Variants in NSD1 observed in about 807,000 individuals in gnomAD.
The protein encoded by NSD1 is histone-lysine N-methyltransferase, H3 lysine-36 specific.
Under a neutral mutation model 242.7 loss-of-function variants are expected in NSD1, and 26 were observed. The observed-to-expected ratio is 0.11, with a 90% CI of 0.08 to 0.15. NSD1 has a LOEUF of 0.15. Ranked by LOEUF, NSD1 falls within the 10% of genes least tolerant of loss-of-function variation. NSD1 has a pLI of 1.00. For synonymous variants in NSD1, 1,106 were observed against 1,178.1 expected, an observed-to-expected ratio of 0.94 and a Z score of 1.25; for missense variants, 2,495 against 3,272.8, an observed-to-expected ratio of 0.76 and a Z score of 5.80.
chr5:177,175,716 A>G (rs1453173429), intron 2 of NSD1, among the ~76,000 whole-genome samples: 1 of 152,192 alleles, frequency 6.6e-6, no homozygotes, highest in African/African-American at 2.4e-5. Flanking sequence ...ATAGTGTCAT[A>G]TCATTTAAGC....
In NSD1 at chr5:177,211,343, G is replaced by A; in HGVS notation, c.2944G>A (p.Gly982Arg). The A allele has an allele frequency of 1.2e-6, 2 of 1,614,134 alleles. No individual in the cohort carries two copies. The highest frequency in any genetic ancestry group is 1.1e-5 in the South Asian group (1 of 91,080). Residue 982 changes from glycine to arginine, a missense_variant, in exon 5 of 23, where the codon GGG (glycine) becomes AGG (arginine). Physicochemically the swap from Gly to Arg is moderately radical, Grantham distance 125. Coordinates refer to ENST00000439151, the MANE Select transcript of NSD1 (RefSeq NM_022455.5). ...TQNSANPSPS[G>R]GDSALSGELS... ...GAACTCCGCCAATCCTAGCCCTAGT[G>A]GGGGTGACTCTGCATTATCTGGCGA...
Position 177,135,933 on chromosome 5 carries a change from C to T in NSD1, c.830C>T (p.Ser277Phe). ...IEEQLNSINL[S>F]FQDDPDSSTS... ...GAGCAATTAAACTCAATAAATTTAT[C>T]TTTTCAGGATGATCCAGATTCCAGT... The change falls in exon 2 of 23, where the codon TCT becomes TTT. Residue 277 changes from serine (S) to phenylalanine (F), a missense_variant. This residue lies in a region of NSD1 where 376 missense variants were observed against 367.4 expected (regional missense o/e 1.02). Coordinates refer to ENST00000439151, the MANE Select transcript of NSD1 (RefSeq NM_022455.5). 4 of 1,613,400 alleles carry T rather than the reference C, an allele frequency of 2.5e-6. No homozygotes were observed. Among genetic ancestry groups the T allele is most frequent in the East Asian group, 2.2e-5 (1 of 44,870 alleles).
intron 5 of NSD1, 122 bp downstream of exon 5, chr5:177,212,317 C>A: frequency 4.3e-6 from 4 of 935,970 alleles, no homozygotes; most frequent in South Asian, 2.9e-5. Flanking sequence ...GAAGAATCAT[C>A]ACTTCAATGA....
intron 4 of NSD1, among the ~76,000 whole-genome samples, chr5:177,207,823 A>C (rs986703551): frequency 1.3e-5 from 2 of 151,830 alleles, no homozygotes; most frequent in African/African-American, 2.4e-5. Context: ...GCACACTGCA[A>C]CTTTCACCTC....
At position 177,211,088 on chromosome 5, in the gene NSD1, A is replaced by C; in HGVS notation, c.2689A>C (p.Asn897His). The part of the protein sequence containing the change: ...PLLFSSASSQ[N>H]HIPIEPDYKF... Reference sequence around the variant, plus strand: ...ACTTTTCTCTTCTGCTTCTAGTCAGAATCACATACCTATTGAACCAGACTA... The same window carrying C: ...ACTTTTCTCTTCTGCTTCTAGTCAGCATCACATACCTATTGAACCAGACTA... Residue 897 changes from asparagine to histidine, a missense_variant, in exon 5 of 23, where the codon AAT becomes CAT. By Grantham distance (68) the Asn-to-His change is moderately conservative. Transcript: ENST00000439151. The C allele has an allele frequency of 6.2e-7, 1 of 1,614,202 alleles. No individual in the cohort carries two copies. The highest frequency in any genetic ancestry group is 8.5e-7 in the Non-Finnish European group (1 of 1,180,022).
chr5:177,274,531 T>TG (rs1351426490), intron 17 of NSD1, among the ~76,000 whole-genome samples: 1 of 152,192 alleles, frequency 6.6e-6, no homozygotes, highest in Non-Finnish European at 1.5e-5. Flanking sequence ...ATAAGTTAGT[T>TG]GCGATGCTCA....
intron 10 of NSD1, 44 bp from the exon 11 acceptor site, chr5:177,248,137 G>A: frequency 1.2e-6 from 2 of 1,610,966 alleles, no homozygotes; most frequent in Non-Finnish European, 1.7e-6. Context: ...AAATGGAAGA[G>A]ACATCAATAA....
chr5:177,230,515 G>A (rs1764972715), intron 5 of NSD1, among the ~76,000 whole-genome samples: 1 of 152,046 alleles, frequency 6.6e-6, no homozygotes, highest in Non-Finnish European at 1.5e-5. Flanking sequence ...CAAAGGTAGA[G>A]TGGAAACAGC....
At position 177,293,828 on chromosome 5, in the gene NSD1, T is replaced by C; in HGVS notation, c.6464-4T>C. Reference sequence around the variant, plus strand: ...AAACTTTTGATTTACTTCTGTGTTTTCAGGGAAATGGGAATGTCCGTGGCA... The same window carrying C: ...AAACTTTTGATTTACTTCTGTGTTTCCAGGGAAATGGGAATGTCCGTGGCA... On this transcript the variant is annotated splice_polypyrimidine_tract_variant and splice_region_variant and intron_variant, in intron 22 of 22. Transcript: ENST00000439151. 6.2e-7 allele frequency: 1 copy of C among 1,614,088 alleles called. No homozygotes were observed. The highest frequency in any genetic ancestry group is 8.5e-7 in the Non-Finnish European group (1 of 1,180,028).
chr5:177,279,272 A>G (rs1303616659), intron 17 of NSD1, among the ~76,000 whole-genome samples: 1 of 152,196 alleles, frequency 6.6e-6, no homozygotes, highest in African/African-American at 2.4e-5. Flanking sequence ...ACCTGAGGTC[A>G]GGAGATCACA....
Position 177,294,529 on chromosome 5 carries a change from G to A in NSD1, c.7161G>A (p.Pro2387=), listed in dbSNP as rs369778799. 3.8e-5 allele frequency: 61 copies of A among 1,614,042 alleles called. No individual in the cohort carries two copies. Among genetic ancestry groups the A allele is most frequent in the Non-Finnish European group, 4.5e-5 (53 of 1,180,038 alleles). ...KTSVPTGLRL[P]PPDRLLITSS... ...CAGTTCCCACTGGCCTGAGACTTCC[G>A]CCGCCAGACAGACTGCTCATTACTA... is the stretch of plus-strand genomic sequence containing the variant. Residue 2387 remains proline, a synonymous_variant, in exon 23 of 23, where the codon CCG becomes CCA. Transcript: ENST00000439151.
At chr5:177,212,821 T>C (rs934545644) in intron 5 of NSD1, among the ~76,000 whole-genome samples, 1 of 151,964 alleles carries the variant, frequency 6.6e-6, no homozygotes, top group African/African-American at 2.4e-5. Flanking sequence ...TTTGTATTTT[T>C]AGTAGAGATG....
intron 2 of NSD1, among the ~76,000 whole-genome samples, chr5:177,156,994 A>T (rs549581082): frequency 6.6e-6 from 1 of 152,168 alleles, no homozygotes; most frequent in Non-Finnish European, 1.5e-5. Flanking sequence ...AAATAAATAA[A>T]TGTATACTAA....
rs908737968 is a variant in NSD1 at position 177,158,253 on chromosome 5, C to A, written c.927+22223C>A. On this transcript the variant is annotated intron_variant, in intron 2 of 22. Transcript: ENST00000439151. ...TGGGTTCTAATTTCTTTCTTTCTTT[C>A]TTTCTTTCTTTCTTTCTTTCTTTCT... Among the ~76,000 whole-genome samples, 170 of 88,502 alleles carry A rather than the reference C, an allele frequency of 1.9e-3. 1 individual carries two copies. Among genetic ancestry groups the A allele is most frequent in the Non-Finnish European group, 1.8e-3 (88 of 48,808 alleles). The allele number at this position is 88,502 out of a possible 152,430, so 58.1% of individuals were successfully genotyped here. A position where few individuals can be genotyped will look rare whatever the true frequency, so the allele number is the denominator to read the frequency against.
At chr5:177,266,467 TG>T in intron 14 of NSD1, 1 of 617,284 alleles carries the variant, frequency 1.6e-6, no homozygotes, top group Non-Finnish European at 3.0e-6. Flanking sequence ...GTTGCCGAAG[TG>T]GGCGTAGGAG....
At chr5:177,228,416 C>T (rs990376949) in intron 5 of NSD1, among the ~76,000 whole-genome samples, 1 of 151,842 alleles carries the variant, frequency 6.6e-6, no homozygotes, top group African/African-American at 2.4e-5. Context: ...GGGATTTTGC[C>T]ATGTTGGCTA....
At chr5:177,259,156 C>T (rs114562405) in intron 13 of NSD1, among the ~76,000 whole-genome samples, 2,781 of 152,340 alleles carry the variant, frequency 0.018, 33 homozygotes, top group Non-Finnish European at 0.028. Flanking sequence ...TGTATCTCTG[C>T]TGGTGAATTC....
At chr5:177,280,895 TC>T in intron 18 of NSD1, 61 bp downstream of exon 18, 1 of 1,535,408 alleles carries the variant, frequency 6.5e-7, no homozygotes, top group Non-Finnish European at 9.0e-7. Flanking sequence ...ATATCATTGA[TC>T]CTTGACATTA....
intron 17 of NSD1, 80 bp from the exon 18 acceptor site, chr5:177,280,483 GAA>G: frequency 1.3e-6 from 2 of 1,543,060 alleles, no homozygotes; most frequent in Non-Finnish European, 9.0e-7. Context: ...CAACTTCAAG[GAA>G]AAAAAGTTTG....
Sources: allele counts gnomAD v4.1 joint callset (sites outside exome capture counted in the v4.1 genomes callset), GRCh38; gene constraint gnomAD v4.1.1; regional missense constraint gnomAD v4.1.1; transcripts MANE v1.5; gene names NCBI Gene and HGNC (gene_info 2026-07-23, HGNC 2026-07-21).